Variants in NUP205 observed in about 807,000 individuals in gnomAD.
NUP205 encodes nuclear pore complex protein Nup205.
NUP205 carries 76 observed loss-of-function variants against 253.8 expected under a neutral mutation model. The observed-to-expected ratio is 0.30, with a 90% CI of 0.25 to 0.36. The LOEUF is 0.36. NUP205 is among the 10% of genes least tolerant of loss of function. NUP205 has a pLI of 1.00. For synonymous variants in NUP205, 832 were observed against 850.1 expected (o/e 0.98, Z 0.37); for missense variants, 2,162 against 2,425.5 (o/e 0.89, Z 2.28).
chr7:135,567,120 C>CTATATATA lies in NUP205; in HGVS notation c.29-3982_29-3981insATATATAT, dbSNP rs1805783506. On this transcript the variant is annotated intron_variant, in intron 1 of 42. Transcript: ENST00000285968. ...TGGGATTCTGTCTGTCTTGCTCAGT[C>CTATATATA]TATGTGTGTATATATATATATATAT... Among the ~76,000 whole-genome samples, 16 of 53,854 alleles carry CTATATATA rather than the reference C, an allele frequency of 3.0e-4. 3 individuals carry two copies. The highest frequency in any genetic ancestry group is 4.2e-4 in the Non-Finnish European group (12 of 28,462). The allele number at this position is 53,854 out of a possible 152,430, so 35.3% of individuals were successfully genotyped here. A position where few individuals can be genotyped will look rare whatever the true frequency, so the allele number is the denominator to read the frequency against.
intron 26 of NUP205, among the ~76,000 whole-genome samples, 163 bp from the exon 27 acceptor site, chr7:135,617,439 A>T (rs1458398898): frequency 6.6e-6 from 1 of 152,156 alleles, no homozygotes; most frequent in Non-Finnish European, 1.5e-5. Flanking sequence ...TTGAAAAGGG[A>T]TACTTAATAT....
intron 7 of NUP205, among the ~76,000 whole-genome samples, chr7:135,580,033 T>C (rs1195695920): frequency 2.0e-5 from 3 of 152,218 alleles, no homozygotes; most frequent in Non-Finnish European, 4.4e-5. Context: ...GTCATATTAG[T>C]AGGGGTTTAT....
intron 1 of NUP205, among the ~76,000 whole-genome samples, chr7:135,563,427 TGTGG>T (rs1805649523): frequency 1.3e-5 from 2 of 152,070 alleles, no homozygotes; most frequent in South Asian, 2.1e-4. Flanking sequence ...GACCTCGTGA[TGTGG>T]CCCGCCTTGG....
intron 36 of NUP205, among the ~76,000 whole-genome samples, chr7:135,637,546 C>G (rs942322743): frequency 2.0e-5 from 3 of 152,168 alleles, no homozygotes; most frequent in Non-Finnish European, 4.4e-5. Flanking sequence ...ACAAAATTAT[C>G]ACAAACGTGT....
At chr7:135,644,651 C>T (rs1038810596) in intron 39 of NUP205, among the ~76,000 whole-genome samples, 2 of 152,130 alleles carry the variant, frequency 1.3e-5, no homozygotes, top group Admixed American at 6.5e-5. Context: ...CATCAGCAAC[C>T]CTGACTGTGT....
chr7:135,624,700 G>A (rs1266247277), intron 31 of NUP205, among the ~76,000 whole-genome samples: 3 of 152,108 alleles, frequency 2.0e-5, no homozygotes, highest in African/African-American at 7.2e-5. Flanking sequence ...GGCCAGGCTT[G>A]TCTCGGATTC....
intron 8 of NUP205, among the ~76,000 whole-genome samples, chr7:135,585,752 A>G (rs988540220): frequency 1.3e-5 from 2 of 152,080 alleles, no homozygotes; most frequent in African/African-American, 2.4e-5. Flanking sequence ...GGGTTTCACC[A>G]TATTGGCCAG....
At chr7:135,593,228 T>G (rs751641098) in intron 12 of NUP205, 36 bp downstream of exon 12, 11 of 1,565,890 alleles carry the variant, frequency 7.0e-6, no homozygotes, top group Non-Finnish European at 8.8e-6. Flanking sequence ...TTTATTTTTA[T>G]TATAGCACAG....
At chr7:135,588,102 A>T in intron 10 of NUP205, 110 bp downstream of exon 10, 1 of 847,710 alleles carries the variant, frequency 1.2e-6, no homozygotes, top group Non-Finnish European at 1.7e-6. Flanking sequence ...AATGATCACT[A>T]GTGTAACCTT....
At chr7:135,597,232 A>T in intron 13 of NUP205, 136 bp from the exon 14 acceptor site, 1 of 586,278 alleles carries the variant, frequency 1.7e-6, no homozygotes, top group Non-Finnish European at 3.1e-6. Flanking sequence ...CCAGGGACTA[A>T]TTGATTGTCA....
chr7:135,579,197 ATT>A (rs11396157), intron 7 of NUP205, among the ~76,000 whole-genome samples: 1 of 144,060 alleles, frequency 6.9e-6, no homozygotes, highest in Admixed American at 7.0e-5. Flanking sequence ...TGTCACATTA[ATT>A]TTTTTTTTTT....
At chr7:135,567,174 A>ATATATATG (rs1190177146) in intron 1 of NUP205, among the ~76,000 whole-genome samples, 37 of 105,820 alleles carry the variant, frequency 3.5e-4, no homozygotes, top group Non-Finnish European at 6.0e-4. Context: ...ATATATATAT[A>ATATATATG]TATATATGTA....
intron 35 of NUP205, among the ~76,000 whole-genome samples, chr7:135,634,919 A>G (rs2129492288): frequency 6.6e-6 from 1 of 152,340 alleles, no homozygotes; most frequent in East Asian, 1.9e-4. Context: ...AGTGAATTAA[A>G]GGAATCTGAA....
rs112286478 is a variant in NUP205 at position 135,600,736 on chromosome 7, T to C, written c.2275-134T>C. 5.5e-3 allele frequency: 2,563 copies of C among 467,280 alleles called. 60 individuals carry two copies. Among genetic ancestry groups the C allele is most frequent in the African/African-American group, 0.046 (2,318 of 50,054 alleles). The allele number at this position is 467,280 out of a possible 1,614,324, so 28.9% of individuals were successfully genotyped here. A position where few individuals can be genotyped will look rare whatever the true frequency, so the allele number is the denominator to read the frequency against. ...AAATGAATTGGGATTTCTATATTGC[T>C]TAGCGTAAGTGAATAAAGTGGACAA... On this transcript the variant is annotated intron_variant, in intron 15 of 42. Coordinates refer to ENST00000285968, the MANE Select transcript of NUP205 (RefSeq NM_015135.3).
chr7:135,623,074 T>G (rs1794508518), intron 31 of NUP205, 149 bp downstream of exon 31: 1 of 698,414 alleles, frequency 1.4e-6, no homozygotes, highest in Non-Finnish European at 2.3e-6. Flanking sequence ...GTATAGGAGT[T>G]TGAGACTAGC....
At chr7:135,558,058 C>G (rs1279403612) in intron 1 of NUP205, 86 bp downstream of exon 1, 3 of 1,151,416 alleles carry the variant, frequency 2.6e-6, no homozygotes, top group African/African-American at 1.5e-5. Context: ...TTCTCGGAGT[C>G]TAGGACCCCA....
chr7:135,646,204 T>A lies in NUP205; in HGVS notation c.5859T>A (p.Ala1953=). 6.2e-7 allele frequency: 1 copy of A among 1,613,394 alleles called. No individual in the cohort carries two copies. Among genetic ancestry groups the A allele is most frequent in the Non-Finnish European group, 8.5e-7 (1 of 1,179,316 alleles). The change falls in exon 42 of 43, where the codon GCT becomes GCA. Residue 1953 remains alanine (A), a synonymous_variant. Transcript: ENST00000285968. ...ETNLDFRSGL[A]IVSQHDLDQL... is the part of the protein sequence containing the mutation. ...ATCTAGATTTTAGAAGTGGGCTGGCTATAGTGAGCCAACATGATTTAGACC... is the reference window on the plus strand; with the variant it reads ...ATCTAGATTTTAGAAGTGGGCTGGCAATAGTGAGCCAACATGATTTAGACC...
chr7:135,575,564 A>G (rs1463554159), intron 3 of NUP205, among the ~76,000 whole-genome samples: 2 of 152,246 alleles, frequency 1.3e-5, no homozygotes, highest in East Asian at 3.8e-4. Context: ...TGGGAGGCCA[A>G]GGCAGGTGGA....
chr7:135,578,759 C>T lies in NUP205; in HGVS notation c.886C>T (p.His296Tyr), dbSNP rs1258380326. ...TATTTTTGTGTTTTCAGATATGATT[C>T]ATCAACTTCCACTGTTGACAGAAAA... ...QSTEERDDMI[H>Y]QLPLLTEKQY... The change falls in exon 7 of 43, where the codon CAT becomes TAT. Residue 296 changes from histidine (H) to tyrosine (Y), a missense_variant. Coordinates refer to ENST00000285968, the MANE Select transcript of NUP205 (RefSeq NM_015135.3). 2 of 1,592,716 alleles carry T rather than the reference C, an allele frequency of 1.3e-6. No individual in the cohort carries two copies. Among genetic ancestry groups the T allele is most frequent in the Non-Finnish European group, 1.7e-6 (2 of 1,170,716 alleles).
Sources: allele counts gnomAD v4.1 joint callset (sites outside exome capture counted in the v4.1 genomes callset), GRCh38; gene constraint gnomAD v4.1.1; transcripts MANE v1.5; gene names NCBI Gene and HGNC (gene_info 2026-07-23, HGNC 2026-07-21).